The following RNF111 variants were observed in gnomAD, a reference collection of about 807,000 sequenced individuals.
RNF111 encodes the protein ring finger protein 111.
RNF111 carries 17 observed loss-of-function variants against 95.1 expected under a neutral mutation model. That is an observed-to-expected ratio of 0.18 (90% confidence interval 0.12 to 0.27). RNF111 has a LOEUF of 0.27. Ranked by LOEUF, RNF111 falls within the 10% of genes least tolerant of loss-of-function variation. The probability of loss-of-function intolerance (pLI) is 1.00; values close to 1 mark genes in which losing one functional copy is unlikely to be tolerated. For missense variants in RNF111, 1,189 were observed against 1,210.4 expected, an observed-to-expected ratio of 0.98 and a Z score of 0.26; for synonymous variants, 440 against 414.8, an observed-to-expected ratio of 1.06 and a Z score of -0.74.
chr15:58,990,439 C>T (rs2038761071), intron 1 of RNF111, among the ~76,000 whole-genome samples: 1 of 152,132 alleles, frequency 6.6e-6, no homozygotes, highest in Admixed American at 6.6e-5. Flanking sequence ...GCGGGCGAAT[C>T]ACTTGAGGTG....
At chr15:59,065,331 C>T (rs78754862) in intron 5 of RNF111, among the ~76,000 whole-genome samples, 2 of 152,144 alleles carry the variant, frequency 1.3e-5, no homozygotes, top group East Asian at 3.9e-4. Context: ...ATTTGAAACA[C>T]TGGGACAGAC....
chr15:59,072,374 C>T (rs2042969724), intron 6 of RNF111, among the ~76,000 whole-genome samples: 3 of 150,184 alleles, frequency 2.0e-5, no homozygotes, highest in Non-Finnish European at 4.4e-5. Flanking sequence ...TTTGCAGCTG[C>T]TTTAAGTTTA....
chr15:59,051,675 A>G (rs112180296), intron 2 of RNF111, among the ~76,000 whole-genome samples: 2,318 of 151,728 alleles, frequency 0.015, 54 homozygotes, highest in African/African-American at 0.054. Context: ...AGGCTGAGGC[A>G]TGAGAATCAC....
chr15:59,041,017 AC>A (rs1338604415), intron 2 of RNF111, among the ~76,000 whole-genome samples: 1 of 151,848 alleles, frequency 6.6e-6, no homozygotes, highest in Admixed American at 6.6e-5. Context: ...CCAAAATATG[AC>A]CCCCTTCTCT....
At chr15:59,091,180 T>C (rs1422116703) in intron 12 of RNF111, 26 bp downstream of exon 12, 1 of 1,365,568 alleles carries the variant, frequency 7.3e-7, no homozygotes. Flanking sequence ...ATGAAACTTC[T>C]GGAGTGTTAC....
intron 2 of RNF111, among the ~76,000 whole-genome samples, chr15:59,047,202 C>G (rs1566908111): frequency 6.6e-6 from 1 of 152,186 alleles, no homozygotes; most frequent in African/African-American, 2.4e-5. Flanking sequence ...ACCAAAGTGG[C>G]TAATAAAATT....
At chr15:59,090,975 GT>G in intron 11 of RNF111, 83 bp from the exon 12 acceptor site, 1 of 820,746 alleles carries the variant, frequency 1.2e-6, no homozygotes, top group Admixed American at 2.2e-5. Flanking sequence ...AAGTATGGAG[GT>G]TTATTTCTTA....
intron 2 of RNF111, among the ~76,000 whole-genome samples, chr15:59,043,876 T>C (rs1454058159): frequency 6.6e-6 from 1 of 152,200 alleles, no homozygotes; most frequent in African/African-American, 2.4e-5. Flanking sequence ...GAAAAGAATA[T>C]GAGCTTTAGA....
Position 59,066,760 on chromosome 15 carries a change from C to G in RNF111, c.1367-4C>G, listed in dbSNP as rs772175040. On this transcript the variant is annotated splice_polypyrimidine_tract_variant and splice_region_variant and intron_variant, in intron 5 of 13. Coordinates refer to ENST00000348370, the MANE Select transcript of RNF111 (RefSeq NM_017610.8). The stretch of plus-strand genomic sequence containing the variant: ...TTATTCTGTGCATTTTTTTCTGTTT[C>G]AAGATGACTCAAGGAGAACTACATC... 1 of 1,605,376 alleles carries G rather than the reference C, an allele frequency of 6.2e-7. No homozygotes were observed. The highest frequency in any genetic ancestry group is 1.7e-4 in the Middle Eastern group (1 of 6,020).
Position 59,085,672 on chromosome 15 carries a change from G to A in RNF111, c.2437G>A (p.Glu813Lys). ...PERSAWELGI[E>K]AGVTAATYTP... ...TCCTTTCGTTAGGGAACTGGGAATT[G>A]AAGCTGGAGTGACTGCAGCTACTTA... Residue 813 changes from glutamate (E) to lysine (K), a missense_variant, in exon 10 of 14, where the codon GAA becomes AAA. Glu to Lys is a moderately conservative substitution (Grantham distance 56). Coordinates refer to ENST00000348370, the MANE Select transcript of RNF111 (RefSeq NM_017610.8). 6.2e-7 allele frequency: 1 copy of A among 1,613,094 alleles called. No homozygotes were observed. Among genetic ancestry groups the A allele is most frequent in the Non-Finnish European group, 8.5e-7 (1 of 1,179,434 alleles).
chr15:59,029,017 T>A (rs774043217), intron 1 of RNF111, among the ~76,000 whole-genome samples: 1 of 152,174 alleles, frequency 6.6e-6, no homozygotes, highest in Admixed American at 6.5e-5. Flanking sequence ...TGGCCTCCAG[T>A]GATCCGCCCG....
chr15:58,997,947 C>T (rs1424965851), intron 1 of RNF111, among the ~76,000 whole-genome samples: 3 of 150,972 alleles, frequency 2.0e-5, no homozygotes, highest in Non-Finnish European at 4.4e-5. Flanking sequence ...CTCCGTTGCC[C>T]AGGCTGGAGT....
chr15:59,082,327 G>A (rs1390682642), intron 8 of RNF111, among the ~76,000 whole-genome samples: 1 of 152,100 alleles, frequency 6.6e-6, no homozygotes, highest in Non-Finnish European at 1.5e-5. Context: ...GTGTGTTTCT[G>A]CAATATCGTG....
At chr15:59,059,812 T>A (rs967783370) in intron 5 of RNF111, among the ~76,000 whole-genome samples, 1 of 152,238 alleles carries the variant, frequency 6.6e-6, no homozygotes, top group Non-Finnish European at 1.5e-5. Context: ...ACTTGCTAAC[T>A]GCTTACCAAT....
chr15:58,993,123 T>C (rs1221986022), intron 1 of RNF111, among the ~76,000 whole-genome samples: 4 of 151,838 alleles, frequency 2.6e-5, no homozygotes, highest in African/African-American at 9.7e-5. Context: ...TGAGCCAAGA[T>C]TGCGCCACTG....
chr15:58,997,811 T>A (rs1249094376), intron 1 of RNF111, among the ~76,000 whole-genome samples: 2 of 150,116 alleles, frequency 1.3e-5, no homozygotes, highest in East Asian at 3.9e-4. Flanking sequence ...TGAGACTCCA[T>A]CTCAAAAAAA....
At chr15:59,082,061 C>T (rs1329689993) in intron 8 of RNF111, among the ~76,000 whole-genome samples, 3 of 152,190 alleles carry the variant, frequency 2.0e-5, no homozygotes, top group Admixed American at 6.5e-5. Flanking sequence ...CTGGGTGACA[C>T]AGGGAGACCC....
At chr15:58,988,411 C>G (rs2038662968) in intron 1 of RNF111, 1 of 152,552 alleles carries the variant, frequency 6.6e-6, no homozygotes, top group Non-Finnish European at 1.5e-5. Context: ...TGAAGGTAAC[C>G]CGGACCCGGG....
chr15:59,033,874 T>C (rs186079882), intron 2 of RNF111, among the ~76,000 whole-genome samples: 73 of 152,312 alleles, frequency 4.8e-4, no homozygotes, highest in African/African-American at 1.5e-3. Flanking sequence ...AAATCCAAAA[T>C]GTTGAAACCA....
Sources: gnomAD v4.1 joint callset for allele counts (sites outside exome capture counted in the v4.1 genomes callset) on GRCh38, gnomAD v4.1.1 for gene constraint, MANE v1.5 for transcripts, NCBI Gene and HGNC (gene_info 2026-07-23, HGNC 2026-07-21) for gene names.